The following PRKG1 variants were observed in gnomAD, a reference collection of about 807,000 sequenced individuals.
The protein encoded by PRKG1 is protein kinase cGMP-dependent 1, also known as cGMP-dependent protein kinase 1.
A neutral mutation model predicts 88.1 loss-of-function variants in PRKG1; 35 were observed. The observed-to-expected ratio is 0.40, with a 90% CI of 0.30 to 0.53. The LOEUF is 0.53. Among genes scored for constraint, PRKG1 ranks in the 20% least tolerant of loss-of-function variants. The probability of loss-of-function intolerance (pLI) is 0.59; values close to 1 mark genes in which losing one functional copy is unlikely to be tolerated. For missense variants in PRKG1, 540 were observed against 839.8 expected, an observed-to-expected ratio of 0.64 and a Z score of 4.41; for synonymous variants, 303 against 292.5, an observed-to-expected ratio of 1.04 and a Z score of -0.37.
At chr10:51,188,346 A>G (rs1021894005) in intron 2 of PRKG1, among the ~76,000 whole-genome samples, 2 of 151,982 alleles carry the variant, frequency 1.3e-5, no homozygotes, top group East Asian at 1.9e-4. Context: ...ACAAACAACT[A>G]TATACCACAA....
intron 2 of PRKG1, among the ~76,000 whole-genome samples, chr10:51,288,317 G>T (rs1257523230): frequency 6.6e-6 from 1 of 152,100 alleles, no homozygotes; most frequent in Non-Finnish European, 1.5e-5. Flanking sequence ...CACTGAAAGA[G>T]AGTATAAATG....
At chr10:51,705,653 G>A (rs1841586959) in intron 3 of PRKG1, among the ~76,000 whole-genome samples, 1 of 152,126 alleles carries the variant, frequency 6.6e-6, no homozygotes, top group Admixed American at 6.5e-5. Context: ...TTTGATAAAT[G>A]CTTTATATAA....
chr10:51,459,167 G>A (rs1298968869), intron 2 of PRKG1, among the ~76,000 whole-genome samples: 2 of 151,760 alleles, frequency 1.3e-5, no homozygotes, highest in African/African-American at 2.4e-5. Flanking sequence ...ATTCTTTGAC[G>A]TACCTAAGCA....
At chr10:51,850,994 A>T (rs1426001055) in intron 4 of PRKG1, among the ~76,000 whole-genome samples, 1 of 152,182 alleles carries the variant, frequency 6.6e-6, no homozygotes, top group East Asian at 1.9e-4. Context: ...TTTATCCTAA[A>T]GATATGGTCA....
At chr10:52,210,632 A>G (rs1222608141) in intron 9 of PRKG1, among the ~76,000 whole-genome samples, 1 of 152,194 alleles carries the variant, frequency 6.6e-6, no homozygotes, top group Non-Finnish European at 1.5e-5. Flanking sequence ...ATAAACATTT[A>G]TGGAATAAAA....
chr10:52,266,986 C>T (rs1841587850), intron 10 of PRKG1, among the ~76,000 whole-genome samples: 1 of 151,912 alleles, frequency 6.6e-6, no homozygotes, highest in Non-Finnish European at 1.5e-5. Flanking sequence ...TTTTTGCTGG[C>T]TGATCTCTTT....
At chr10:52,222,668 T>C (rs1306869815) in intron 9 of PRKG1, among the ~76,000 whole-genome samples, 3 of 152,194 alleles carry the variant, frequency 2.0e-5, no homozygotes, top group Non-Finnish European at 2.9e-5. Context: ...TAGTAAATTG[T>C]CTGTGACTCA....
chr10:51,643,073 A>G (rs1167205479), intron 3 of PRKG1, among the ~76,000 whole-genome samples: 1 of 152,060 alleles, frequency 6.6e-6, no homozygotes, highest in Non-Finnish European at 1.5e-5. Flanking sequence ...AATGATAGAC[A>G]CTGTGATTTT....
In PRKG1 at chr10:51,007,802, A is replaced by G. The variant is rs144427244; in HGVS notation, c.266+16158A>G. On this transcript the variant is annotated intron_variant, in intron 1 of 17. Coordinates refer to the PRKG1 transcript ENST00000401604. ...TAAAATGTGATTCAGAAGGAATTTT[A>G]GTTGAGATATAATGGGAAAGTAGGA... Among the ~76,000 whole-genome samples, 401 of 152,374 alleles carry G rather than the reference A, an allele frequency of 2.6e-3. 1 individual carries two copies. The highest frequency in any genetic ancestry group is 9.3e-3 in the African/African-American group (387 of 41,592).
intron 4 of PRKG1, among the ~76,000 whole-genome samples, chr10:51,811,161 TG>T (rs1184317294): frequency 6.6e-6 from 1 of 152,170 alleles, no homozygotes; most frequent in Non-Finnish European, 1.5e-5. Flanking sequence ...GTTCATAGTT[TG>T]TTTTCTGATG....
chr10:52,163,225 T>TTGTGTGTGTGTGTG (rs150295348), intron 9 of PRKG1, among the ~76,000 whole-genome samples: 82 of 146,810 alleles, frequency 5.6e-4, no homozygotes, highest in African/African-American at 1.8e-3. Context: ...TTTCGTGTGT[T>TTGTGTGTGTGTGTG]TGTGTGTGTG....
intron 2 of PRKG1, among the ~76,000 whole-genome samples, chr10:51,377,188 G>A (rs184724411): frequency 3.3e-4 from 50 of 152,106 alleles, no homozygotes; most frequent in Non-Finnish European, 6.0e-4. Context: ...TTTATTTCAC[G>A]TAGTAGTTCA....
chr10:52,139,000 A>T (rs1352353880), intron 8 of PRKG1, among the ~76,000 whole-genome samples: 2 of 152,138 alleles, frequency 1.3e-5, no homozygotes, highest in Admixed American at 6.6e-5. Flanking sequence ...TTAGACACAG[A>T]GAAAAACGTC....
chr10:51,029,226 G>T (rs1843246654), intron 1 of PRKG1, among the ~76,000 whole-genome samples: 1 of 152,146 alleles, frequency 6.6e-6, no homozygotes, highest in African/African-American at 2.4e-5. Flanking sequence ...GAGGTGATCA[G>T]GTCACACGAC....
intron 1 of PRKG1, among the ~76,000 whole-genome samples, chr10:51,082,095 G>A (rs7082991): frequency 0.033 from 5,058 of 152,086 alleles, 273 homozygotes; most frequent in African/African-American, 0.11. Flanking sequence ...ACAACCCTAT[G>A]AGGAAGATTC....
intron 1 of PRKG1, among the ~76,000 whole-genome samples, chr10:51,133,902 A>G (rs945745715): frequency 1.3e-5 from 2 of 152,196 alleles, no homozygotes; most frequent in African/African-American, 2.4e-5. Flanking sequence ...CCTAAAATCA[A>G]CAACATTGTA....
chr10:51,117,256 T>C (rs1845148858), intron 1 of PRKG1, among the ~76,000 whole-genome samples: 1 of 152,194 alleles, frequency 6.6e-6, no homozygotes, highest in Admixed American at 6.6e-5. Context: ...TTGCCATGGG[T>C]CCCATAATGC....
chr10:51,409,871 G>T (rs78911106), intron 2 of PRKG1, among the ~76,000 whole-genome samples: 20 of 62,110 alleles, frequency 3.2e-4, no homozygotes, highest in Non-Finnish European at 6.7e-4. Context: ...AAAAAAAAAA[G>T]GAGAGTAGTT....
intron 1 of PRKG1, among the ~76,000 whole-genome samples, chr10:51,115,014 AT>A (rs1845078500): frequency 6.6e-6 from 1 of 152,086 alleles, no homozygotes; most frequent in African/African-American, 2.4e-5. Flanking sequence ...AGAAGCATAC[AT>A]CTAAAGATTT....
Sources: allele counts gnomAD v4.1 joint callset (sites outside exome capture counted in the v4.1 genomes callset), GRCh38; gene constraint gnomAD v4.1.1; transcripts MANE v1.5; gene names NCBI Gene and HGNC (gene_info 2026-07-23, HGNC 2026-07-21).